FRMPD4: variants seen among roughly 807,000 people sequenced by gnomAD.
The protein encoded by FRMPD4 is FERM and PDZ domain containing 4.
FRMPD4 carries 22 observed loss-of-function variants against 94.1 expected under a neutral mutation model. The observed-to-expected ratio is 0.23, with a 90% CI of 0.17 to 0.33. The LOEUF is 0.33. FRMPD4 is among the 10% of genes least tolerant of loss of function. The probability of loss-of-function intolerance (pLI) is 1.00; values close to 1 mark genes in which losing one functional copy is unlikely to be tolerated. For synonymous variants in FRMPD4, 631 were observed against 548.6 expected (o/e 1.15, Z -2.10); for missense variants, 1,111 against 1,339.9 (o/e 0.83, Z 2.67).
intron 1 of FRMPD4, among the ~76,000 whole-genome samples, chrX:12,370,019 T>A (rs2056141120): frequency 8.9e-6 from 1 of 112,477 alleles, no homozygotes; most frequent in Admixed American, 9.4e-5. Context: ...GACTGAACTT[T>A]TGCATGTGAG....
At chrX:12,471,985 G>A (rs1201353369) in intron 1 of FRMPD4, among the ~76,000 whole-genome samples, 1 of 112,476 alleles carries the variant, frequency 8.9e-6, no homozygotes, top group African/African-American at 3.2e-5. Context: ...GAACCCTAGT[G>A]CACAAATTAG....
Position 12,500,193 on chromosome X carries a change from A to G in FRMPD4, c.158+1397A>G, listed in dbSNP as rs535735714. Among the ~76,000 whole-genome samples the G allele has an allele frequency of 5.4e-5, 6 of 111,176 alleles. No individual in the cohort carries two copies. In the South Asian group the frequency reaches 1.1e-3, roughly 21 times the overall value. On this transcript the variant is annotated intron_variant, in intron 2 of 16. Coordinates refer to ENST00000675598, the MANE Select transcript of FRMPD4 (RefSeq NM_001368397.1). ...GTCTATCCTGATTATAATAGAGGAGAGATTGGAGGCCAGAAAAAAAAATTA... is the reference window on the plus strand; with the variant it reads ...GTCTATCCTGATTATAATAGAGGAGGGATTGGAGGCCAGAAAAAAAAATTA...
At chrX:12,371,293 A>G (rs1349407902) in intron 1 of FRMPD4, among the ~76,000 whole-genome samples, 3 of 112,788 alleles carry the variant, frequency 2.7e-5, no homozygotes, top group Non-Finnish European at 5.6e-5. Context: ...CCTGTTGTGT[A>G]TGTATCTCCT....
chrX:12,084,506 C>T (rs917591733), intron 3 of FRMPD4, among the ~76,000 whole-genome samples: 3 of 111,616 alleles, frequency 2.7e-5, no homozygotes, highest in Non-Finnish European at 5.6e-5. Context: ...TTTGGGTGCT[C>T]TGTAGGAGTG....
intron 1 of FRMPD4, among the ~76,000 whole-genome samples, chrX:12,191,021 T>C (rs1445588138): frequency 8.9e-6 from 1 of 112,077 alleles, no homozygotes; most frequent in Non-Finnish European, 1.9e-5. Context: ...AAAGAACTGT[T>C]ATCCAAAATA....
intron 3 of FRMPD4, chrX:12,054,855 G>A (rs772717882): frequency 1.3e-4 from 14 of 111,619 alleles, no homozygotes; most frequent in African/African-American, 4.2e-4. Flanking sequence ...GGTGAGAAGC[G>A]GGGAAAGGGT....
At chrX:12,673,221 A>T (rs2059861525) in intron 4 of FRMPD4, among the ~76,000 whole-genome samples, 1 of 112,280 alleles carries the variant, frequency 8.9e-6, no homozygotes, top group Admixed American at 9.4e-5. Flanking sequence ...ACGCTCACAC[A>T]TTCTTTGGTC....
intron 3 of FRMPD4, among the ~76,000 whole-genome samples, chrX:11,942,830 A>C (rs1716731332): frequency 8.9e-6 from 1 of 111,969 alleles, no homozygotes; most frequent in Non-Finnish European, 1.9e-5. Flanking sequence ...TCAAAAGGAA[A>C]TCTTGTATCT....
chrX:12,174,240 C>T (rs1050879931), intron 1 of FRMPD4, among the ~76,000 whole-genome samples: 1 of 112,382 alleles, frequency 8.9e-6, no homozygotes, highest in African/African-American at 3.2e-5. Context: ...ACTTTTTTTA[C>T]AGACACTGAA....
intron 2 of FRMPD4, among the ~76,000 whole-genome samples, chrX:12,502,959 G>A (rs1283900120): frequency 9.0e-6 from 1 of 111,660 alleles, no homozygotes; most frequent in African/African-American, 3.3e-5. Context: ...CACAAGATAA[G>A]GTATTTTAAA....
At chrX:12,403,640 C>T (rs934458953) in intron 1 of FRMPD4, among the ~76,000 whole-genome samples, 1 of 111,453 alleles carries the variant, frequency 9.0e-6, no homozygotes, top group Non-Finnish European at 1.9e-5. Context: ...GTCGGCCCAG[C>T]ACCTAACACA....
At chrX:12,707,861 C>T (rs73632695) in intron 13 of FRMPD4, among the ~76,000 whole-genome samples, 1 of 111,970 alleles carries the variant, frequency 8.9e-6, no homozygotes, top group African/African-American at 3.3e-5. Flanking sequence ...TAATTCTCTG[C>T]GCTCAATTTT....
At chrX:11,888,222 T>G (rs758084059) in intron 3 of FRMPD4, among the ~76,000 whole-genome samples, 2 of 112,081 alleles carry the variant, frequency 1.8e-5, no homozygotes, top group East Asian at 5.5e-4. Context: ...ATGATCACTA[T>G]GTACATCAAA....
intron 2 of FRMPD4, among the ~76,000 whole-genome samples, chrX:12,597,803 G>A (rs1024126215): frequency 9.0e-6 from 1 of 111,424 alleles, no homozygotes; most frequent in Admixed American, 9.5e-5. Flanking sequence ...TTTACTATAG[G>A]TCTGTTGGTT....
At chrX:12,096,230 A>G (rs571997706) in intron 3 of FRMPD4, among the ~76,000 whole-genome samples, 6 of 112,371 alleles carry the variant, frequency 5.3e-5, no homozygotes, top group African/African-American at 1.9e-4. Flanking sequence ...CGTGACCATA[A>G]TATTCTTTTA....
chrX:12,696,586 C>CAAAAAAAAAAAAAAGAAAAAAAAAAAAA (rs2060133806), intron 9 of FRMPD4, among the ~76,000 whole-genome samples: 1 of 30,063 alleles, frequency 3.3e-5, no homozygotes, highest in African/African-American at 1.1e-4. Context: ...AAAAATGAAG[C>CAAAAAAAAAAAAAAGAAAAAAAAAAAAA]AAAAAAAAAA....
chrX:12,235,932 T>C (rs913461779), intron 1 of FRMPD4, among the ~76,000 whole-genome samples: 7 of 111,727 alleles, frequency 6.3e-5, no homozygotes, highest in Admixed American at 4.8e-4. Context: ...GATGTACATG[T>C]AGCTCTTGGC....
intron 1 of FRMPD4, among the ~76,000 whole-genome samples, chrX:12,378,369 G>A (rs900036388): frequency 6.2e-5 from 7 of 112,561 alleles, no homozygotes; most frequent in Admixed American, 3.8e-4. Context: ...TAACGGGAGC[G>A]AAGCATCACC....
At chrX:12,299,788 T>G (rs904944155) in intron 1 of FRMPD4, among the ~76,000 whole-genome samples, 1 of 111,721 alleles carries the variant, frequency 9.0e-6, no homozygotes, top group South Asian at 3.8e-4. Context: ...ATGCTGACAA[T>G]AGATGCGTGG....
Sources: allele counts gnomAD v4.1 joint callset (sites outside exome capture counted in the v4.1 genomes callset), GRCh38; gene constraint gnomAD v4.1.1; transcripts MANE v1.5; gene names NCBI Gene and HGNC (gene_info 2026-07-23, HGNC 2026-07-21).